KCNC2: variants seen among roughly 807,000 people sequenced by gnomAD.
The protein encoded by KCNC2 is voltage-gated potassium channel KCNC2.
KCNC2 carries 21 observed loss-of-function variants against 44.5 expected under a neutral mutation model. The ratio of observed to expected loss-of-function variants is 0.47; its 90% CI spans 0.33 to 0.68. The LOEUF is 0.68. Ranked by LOEUF, KCNC2 falls within the 30% of genes least tolerant of loss-of-function variation. The probability of loss-of-function intolerance (pLI) is 0.01; values close to 1 mark genes in which losing one functional copy is unlikely to be tolerated. For missense variants in KCNC2, 589 were observed against 826.2 expected, an observed-to-expected ratio of 0.71 and a Z score of 3.52; for synonymous variants, 391 against 339.1, an observed-to-expected ratio of 1.15 and a Z score of -1.68.
chr12:75,119,630 ACT>A (rs1232724547), intron 2 of KCNC2, among the ~76,000 whole-genome samples: 18 of 152,134 alleles, frequency 1.2e-4, no homozygotes, highest in African/African-American at 4.1e-4. Flanking sequence ...TTTAGTAAAG[ACT>A]CTTGCCCCAG....
intron 2 of KCNC2, among the ~76,000 whole-genome samples, chr12:75,162,368 T>C (rs1891175410): frequency 6.6e-6 from 1 of 151,796 alleles, no homozygotes; most frequent in Non-Finnish European, 1.5e-5. Context: ...GTTGTTGCTT[T>C]CAACCTAATC....
intron 2 of KCNC2, among the ~76,000 whole-genome samples, chr12:75,190,275 T>C (rs1375817651): frequency 6.6e-6 from 1 of 152,202 alleles, no homozygotes; most frequent in Non-Finnish European, 1.5e-5. Flanking sequence ...GTCATGCCTA[T>C]CTTCTTTCAG....
intron 2 of KCNC2, among the ~76,000 whole-genome samples, chr12:75,101,270 T>C (rs545508392): frequency 3.2e-4 from 48 of 152,140 alleles, no homozygotes; most frequent in African/African-American, 9.9e-4. Flanking sequence ...AATATGACCA[T>C]TAAACTTCTT....
intron 2 of KCNC2, among the ~76,000 whole-genome samples, chr12:75,148,238 C>T (rs12318021): frequency 0.2 from 30,199 of 151,974 alleles, 3,467 homozygotes; most frequent in Admixed American, 0.27. Context: ...GATTCATTGT[C>T]ACATGGTCCT....
chr12:75,147,975 T>G (rs1228216524), intron 2 of KCNC2, among the ~76,000 whole-genome samples: 1 of 152,156 alleles, frequency 6.6e-6, no homozygotes, highest in Admixed American at 6.5e-5. Context: ...TGGACTTCAC[T>G]ATAAAAGCTA....
intron 4 of KCNC2, among the ~76,000 whole-genome samples, chr12:75,045,719 G>A (rs1292387510): frequency 6.6e-6 from 1 of 151,878 alleles, no homozygotes; most frequent in East Asian, 1.9e-4. Flanking sequence ...GCATGTTTTA[G>A]TTTATGCAAT....
chr12:75,191,741 G>T (rs1246491365), intron 2 of KCNC2, among the ~76,000 whole-genome samples: 977 of 132,382 alleles, frequency 7.4e-3, no homozygotes, highest in Middle Eastern at 0.016. Context: ...TAGTAGAGAC[G>T]GGTTTCACCT....
intron 2 of KCNC2, among the ~76,000 whole-genome samples, chr12:75,078,012 C>T (rs1884153855): frequency 6.6e-6 from 1 of 152,020 alleles, no homozygotes; most frequent in Admixed American, 6.6e-5. Context: ...GACTCAAATT[C>T]TCGGGATATA....
intron 2 of KCNC2, among the ~76,000 whole-genome samples, chr12:75,071,851 C>T (rs989071595): frequency 1.4e-5 from 2 of 141,068 alleles, no homozygotes; most frequent in Non-Finnish European, 3.0e-5. Flanking sequence ...GCAGGAGAAT[C>T]GCTTGAACCC....
intron 2 of KCNC2, among the ~76,000 whole-genome samples, chr12:75,180,733 A>G (rs1476137161): frequency 7.9e-5 from 12 of 151,922 alleles, no homozygotes; most frequent in Admixed American, 7.9e-4. Flanking sequence ...GTAGATTTTC[A>G]TAAAATTTAC....
At chr12:75,083,673 C>A (rs1272547383) in intron 2 of KCNC2, among the ~76,000 whole-genome samples, 1 of 151,750 alleles carries the variant, frequency 6.6e-6, no homozygotes, top group Non-Finnish European at 1.5e-5. Flanking sequence ...TTTATATAAG[C>A]AAGATAGTAG....
chr12:75,199,300 A>G (rs1319276052), intron 2 of KCNC2, among the ~76,000 whole-genome samples: 1 of 151,886 alleles, frequency 6.6e-6, no homozygotes, highest in African/African-American at 2.4e-5. Context: ...CAAAGAATGA[A>G]GGAGACACTA....
At chr12:75,093,058 A>G (rs1247213765) in intron 2 of KCNC2, among the ~76,000 whole-genome samples, 2 of 147,816 alleles carry the variant, frequency 1.4e-5, no homozygotes, top group Non-Finnish European at 1.5e-5. Flanking sequence ...TGTTTCTTCT[A>G]TATCTAAAAC....
At chr12:75,183,126 T>G (rs1892714877) in intron 2 of KCNC2, among the ~76,000 whole-genome samples, 1 of 152,334 alleles carries the variant, frequency 6.6e-6, no homozygotes, top group East Asian at 1.9e-4. Context: ...TTCAGGAAAC[T>G]TACTTGTATG....
At chr12:75,198,995 T>C (rs1329257152) in intron 2 of KCNC2, among the ~76,000 whole-genome samples, 1 of 151,852 alleles carries the variant, frequency 6.6e-6, no homozygotes, top group Admixed American at 6.6e-5. Context: ...ATAAAAGATG[T>C]CTTTGCATTT....
At chr12:75,078,946 G>A (rs1884238887) in intron 2 of KCNC2, among the ~76,000 whole-genome samples, 1 of 152,098 alleles carries the variant, frequency 6.6e-6, no homozygotes, top group African/African-American at 2.4e-5. Context: ...AGCTGTACCT[G>A]ACTTTAAGGT....
At chr12:75,092,686 T>G (rs1469789085) in intron 2 of KCNC2, among the ~76,000 whole-genome samples, 3 of 151,624 alleles carry the variant, frequency 2.0e-5, no homozygotes, top group African/African-American at 7.2e-5. Context: ...ACAAAAACAT[T>G]AAAATTTTAT....
Position 75,041,163 on chromosome 12 carries a change from C to T in KCNC2, c.*1942G>A, listed in dbSNP as rs762547430. ...CCTTGGTATGGCTAAATTCCACTGT[C>T]CCTTTCTCAGCAGTCAATAATCCAT... On this transcript the variant is annotated 3_prime_UTR_variant, in exon 5 of 5. Coordinates refer to ENST00000549446, the MANE Select transcript of KCNC2 (RefSeq NM_139137.4). 2 of 1,596,614 alleles carry T rather than the reference C, an allele frequency of 1.3e-6. No homozygotes were observed. The highest frequency in any genetic ancestry group is 1.7e-6 in the Non-Finnish European group (2 of 1,178,648).
At chr12:75,065,613 A>G (rs566756053) in intron 2 of KCNC2, among the ~76,000 whole-genome samples, 33 of 152,184 alleles carry the variant, frequency 2.2e-4, no homozygotes, top group African/African-American at 7.0e-4. Context: ...ACAATTGCCT[A>G]CAGTATTCAA....
Sources: allele counts gnomAD v4.1 joint callset (sites outside exome capture counted in the v4.1 genomes callset), GRCh38; gene constraint gnomAD v4.1.1; transcripts MANE v1.5; gene names NCBI Gene and HGNC (gene_info 2026-07-23, HGNC 2026-07-21).